ST6GALNAC3: variants seen among roughly 807,000 people sequenced by gnomAD.
ST6GALNAC3 encodes the protein ST6 N-acetylgalactosaminide alpha-2,6-sialyltransferase 3.
A neutral mutation model predicts 32.7 loss-of-function variants in ST6GALNAC3; 25 were observed. That is an observed-to-expected ratio of 0.76 (90% confidence interval 0.56 to 1.07). ST6GALNAC3 has a LOEUF of 1.07. ST6GALNAC3 is among the 50% of genes least tolerant of loss of function. ST6GALNAC3 has a pLI of 0.00. For missense variants in ST6GALNAC3, 355 were observed against 382.4 expected, an observed-to-expected ratio of 0.93 and a Z score of 0.60; for synonymous variants, 129 against 133.1, an observed-to-expected ratio of 0.97 and a Z score of 0.21.
At chr1:76,408,587 T>C (rs1223748053) in intron 2 of ST6GALNAC3, among the ~76,000 whole-genome samples, 3 of 152,102 alleles carry the variant, frequency 2.0e-5, no homozygotes, top group Non-Finnish European at 1.5e-5. Flanking sequence ...CAGATTGTGA[T>C]GTCTTAATTG....
At chr1:76,541,413 G>A (rs1241737664) in intron 3 of ST6GALNAC3, among the ~76,000 whole-genome samples, 2 of 152,114 alleles carry the variant, frequency 1.3e-5, no homozygotes, top group Non-Finnish European at 2.9e-5. Context: ...GATCTTTCCC[G>A]CATCTATGCA....
At chr1:76,198,050 T>C (rs1460836778) in intron 1 of ST6GALNAC3, among the ~76,000 whole-genome samples, 1 of 137,602 alleles carries the variant, frequency 7.3e-6, no homozygotes, top group Non-Finnish European at 1.6e-5. Context: ...TTTGTTTGTT[T>C]GTTCTGAGAC....
chr1:76,500,438 T>A (rs1220206268), intron 3 of ST6GALNAC3, among the ~76,000 whole-genome samples: 1 of 152,214 alleles, frequency 6.6e-6, no homozygotes, highest in Non-Finnish European at 1.5e-5. Context: ...TTTATTAAGA[T>A]TCATTCTGTA....
chr1:76,393,295 T>C (rs1182107736), intron 2 of ST6GALNAC3, among the ~76,000 whole-genome samples: 1 of 152,196 alleles, frequency 6.6e-6, no homozygotes, highest in Non-Finnish European at 1.5e-5. Context: ...TTGAAGCTTA[T>C]AGTGTAGTCT....
intron 4 of ST6GALNAC3, among the ~76,000 whole-genome samples, 169 bp downstream of exon 4, chr1:76,627,728 T>A (rs1649064568): frequency 6.6e-6 from 1 of 151,964 alleles, no homozygotes; most frequent in Admixed American, 6.6e-5. Flanking sequence ...TTGTGACTTC[T>A]AGGGGTGAGA....
chr1:76,228,869 G>T (rs867122253), intron 1 of ST6GALNAC3, among the ~76,000 whole-genome samples: 1 of 152,166 alleles, frequency 6.6e-6, no homozygotes, highest in Non-Finnish European at 1.5e-5. Flanking sequence ...CCCGGAGAAG[G>T]TCATGCCAGT....
intron 1 of ST6GALNAC3, among the ~76,000 whole-genome samples, chr1:76,147,474 G>C (rs1430805161): frequency 1.3e-5 from 2 of 152,056 alleles, no homozygotes; most frequent in Non-Finnish European, 2.9e-5. Context: ...TGTGTTCTTG[G>C]ACCAACCAAC....
chr1:76,210,702 C>A (rs1354458956), intron 1 of ST6GALNAC3, among the ~76,000 whole-genome samples: 1 of 152,196 alleles, frequency 6.6e-6, no homozygotes, highest in Non-Finnish European at 1.5e-5. Context: ...TGTGTCCTCA[C>A]ATGGACATGG....
intron 1 of ST6GALNAC3, among the ~76,000 whole-genome samples, chr1:76,161,119 G>A (rs1028129237): frequency 2.0e-5 from 3 of 152,136 alleles, no homozygotes; most frequent in African/African-American, 7.2e-5. Flanking sequence ...ATTGTTAAGT[G>A]CTATTGCCTT....
intron 3 of ST6GALNAC3, among the ~76,000 whole-genome samples, chr1:76,468,035 A>T (rs921181722): frequency 1.0e-4 from 15 of 149,550 alleles, no homozygotes; most frequent in African/African-American, 2.0e-4. Context: ...TTTTTCTAAA[A>T]TTTTTTTTTT....
chr1:76,366,027 T>C (rs1650340540), intron 2 of ST6GALNAC3, among the ~76,000 whole-genome samples: 1 of 152,212 alleles, frequency 6.6e-6, no homozygotes, highest in Non-Finnish European at 1.5e-5. Flanking sequence ...TACTTCAGAC[T>C]GAGTCTTTCT....
chr1:76,599,997 C>T (rs1038767024), intron 3 of ST6GALNAC3, among the ~76,000 whole-genome samples: 3 of 152,122 alleles, frequency 2.0e-5, no homozygotes, highest in African/African-American at 4.8e-5. Flanking sequence ...ATAGATGTTA[C>T]GGACTGAATG....
intron 2 of ST6GALNAC3, among the ~76,000 whole-genome samples, chr1:76,363,319 G>A (rs1650112961): frequency 6.6e-6 from 1 of 152,148 alleles, no homozygotes; most frequent in South Asian, 2.1e-4. Flanking sequence ...GGGGCACAAT[G>A]CAGCCAGGTT....
chr1:76,161,948 G>T (rs1651837527), intron 1 of ST6GALNAC3, among the ~76,000 whole-genome samples: 1 of 152,196 alleles, frequency 6.6e-6, no homozygotes, highest in Non-Finnish European at 1.5e-5. Flanking sequence ...GAAGATCAGG[G>T]TTGGTCATAA....
chr1:76,121,101 A>G (rs1005641705), intron 1 of ST6GALNAC3, among the ~76,000 whole-genome samples: 2 of 152,214 alleles, frequency 1.3e-5, no homozygotes, highest in Non-Finnish European at 2.9e-5. Context: ...AGGTTCACCT[A>G]GATATTCCAG....
intron 3 of ST6GALNAC3, among the ~76,000 whole-genome samples, chr1:76,447,469 A>G (rs962509532): frequency 6.6e-6 from 1 of 152,188 alleles, no homozygotes; most frequent in Non-Finnish European, 1.5e-5. Flanking sequence ...GAAGCCCTGC[A>G]GAAATTTGCA....
intron 1 of ST6GALNAC3, among the ~76,000 whole-genome samples, chr1:76,269,132 G>A (rs1387946238): frequency 6.6e-6 from 1 of 152,186 alleles, no homozygotes; most frequent in East Asian, 1.9e-4. Flanking sequence ...CCCATCTCCA[G>A]GAAAGTGTAT....
At chr1:76,392,926 T>C (rs4245651) in intron 2 of ST6GALNAC3, among the ~76,000 whole-genome samples, 137,868 of 152,226 alleles carry the variant, frequency 0.91, 62,489 homozygotes, top group East Asian at 0.98. Flanking sequence ...TAGATAATGG[T>C]CCATTATTAA....
In ST6GALNAC3 at chr1:76,277,528, GTATATATATATA is replaced by G. The variant is rs370795804; in HGVS notation, c.19-36248_19-36237del. On this transcript the variant is annotated intron_variant, in intron 1 of 4. Transcript: ENST00000328299. ...AAGACATATATGTATATGTTTATGT[GTATATATATATA>G]TATATATATATATATATATATATAT... Among the ~76,000 whole-genome samples the G allele has an allele frequency of 8.4e-3, 709 of 84,544 alleles. 1 individual carries two copies. Among genetic ancestry groups the G allele is most frequent in the Non-Finnish European group, 8.9e-3 (411 of 45,946 alleles). 55.5% of individuals were successfully genotyped at this position (84,544 alleles called of 152,430 possible).
Sources: allele counts gnomAD v4.1 joint callset (sites outside exome capture counted in the v4.1 genomes callset), GRCh38; gene constraint gnomAD v4.1.1; transcripts MANE v1.5; gene names NCBI Gene and HGNC (gene_info 2026-07-23, HGNC 2026-07-21).